The following MTREX variants were observed in gnomAD, a reference collection of about 807,000 sequenced individuals.
MTREX encodes the protein Mtr4 exosome RNA helicase.
MTREX carries 76 observed loss-of-function variants against 135.4 expected under a neutral mutation model. The ratio of observed to expected loss-of-function variants is 0.56; its 90% confidence interval spans 0.47 to 0.68. MTREX has a LOEUF of 0.68. Ranked by LOEUF, MTREX falls within the 30% of genes least tolerant of loss-of-function variation. The probability of loss-of-function intolerance (pLI) is 0.00; values close to 1 mark genes in which losing one functional copy is unlikely to be tolerated. For missense variants in MTREX, 920 were observed against 1,262.1 expected, an observed-to-expected ratio of 0.73 and a Z score of 4.11; for synonymous variants, 404 against 401.6, an observed-to-expected ratio of 1.01 and a Z score of -0.07.
chr5:55,372,932 GTGTGTGTGTGTT>G (rs1750228656), intron 16 of MTREX, among the ~76,000 whole-genome samples: 1 of 151,038 alleles, frequency 6.6e-6, no homozygotes, highest in Admixed American at 6.6e-5. Flanking sequence ...GTGTGTGTGT[GTGTGTGTGTGTT>G]TGTCTATGGT....
chr5:55,330,847 C>G (rs557292847), intron 5 of MTREX, among the ~76,000 whole-genome samples: 47 of 152,146 alleles, frequency 3.1e-4, no homozygotes, highest in African/African-American at 1.1e-3. Flanking sequence ...GTTCACAGCC[C>G]ACTGAAGCTG....
At chr5:55,398,589 G>T (rs889482017) in intron 20 of MTREX, among the ~76,000 whole-genome samples, 3 of 152,224 alleles carry the variant, frequency 2.0e-5, no homozygotes, top group Non-Finnish European at 4.4e-5. Flanking sequence ...GAATAGCACA[G>T]TTTTGAGCAG....
At chr5:55,387,862 T>G (rs1486325428) in intron 18 of MTREX, 112 bp from the exon 19 acceptor site, 2 of 984,200 alleles carry the variant, frequency 2.0e-6, no homozygotes, top group Non-Finnish European at 2.8e-6. Flanking sequence ...TTACACAGTT[T>G]GTGTCAGTCA....
At chr5:55,412,354 AG>A (rs1750895946) in intron 23 of MTREX, among the ~76,000 whole-genome samples, 1 of 152,250 alleles carries the variant, frequency 6.6e-6, no homozygotes, top group South Asian at 2.1e-4. Flanking sequence ...AATATTTAAA[AG>A]GTTATGTAAA....
chr5:55,337,788 A>AT (rs1310745536), intron 5 of MTREX, among the ~76,000 whole-genome samples: 10 of 140,836 alleles, frequency 7.1e-5, no homozygotes, highest in Non-Finnish European at 9.2e-5. Context: ...TATATTTCTC[A>AT]TGTTTTTTTT....
chr5:55,308,274 C>T, intron 1 of MTREX, 127 bp downstream of exon 1: 1 of 1,177,728 alleles, frequency 8.5e-7, no homozygotes, highest in Non-Finnish European at 1.1e-6. Flanking sequence ...TGAAGGGGTT[C>T]CAGAAAAAAG....
At chr5:55,409,747 G>C (rs1750858067) in intron 22 of MTREX, among the ~76,000 whole-genome samples, 1 of 152,218 alleles carries the variant, frequency 6.6e-6, no homozygotes, top group African/African-American at 2.4e-5. Flanking sequence ...CAGACGTAGT[G>C]ATGAGCTAGT....
At chr5:55,308,213 C>T (rs113304584) in intron 1 of MTREX, 66 bp downstream of exon 1, 3 of 1,506,226 alleles carry the variant, frequency 2.0e-6, no homozygotes, top group African/African-American at 1.4e-5. Context: ...AAACACTACT[C>T]TCTTAGGAAG....
At chr5:55,367,201 A>G (rs1381820607) in intron 16 of MTREX, among the ~76,000 whole-genome samples, 2 of 152,162 alleles carry the variant, frequency 1.3e-5, no homozygotes, top group East Asian at 3.9e-4. Flanking sequence ...TAAAAAGCAC[A>G]TGCGGCTGGG....
chr5:55,322,212 A>G (rs1425737619), intron 1 of MTREX, 115 bp from the exon 2 acceptor site: 8 of 818,020 alleles, frequency 9.8e-6, no homozygotes, highest in Non-Finnish European at 1.2e-5. Flanking sequence ...TGTTTGTAAC[A>G]TTCATCTATT....
chr5:55,372,320 C>A (rs1182786706), intron 16 of MTREX, among the ~76,000 whole-genome samples: 1 of 151,892 alleles, frequency 6.6e-6, no homozygotes, highest in Non-Finnish European at 1.5e-5. Context: ...TTAAAAATAA[C>A]CAGGATGATG....
intron 1 of MTREX, among the ~76,000 whole-genome samples, chr5:55,308,827 A>G (rs946225220): frequency 1.3e-5 from 2 of 152,232 alleles, no homozygotes; most frequent in African/African-American, 4.8e-5. Flanking sequence ...AAAAGCTATT[A>G]CTTGTATTAA....
At chr5:55,336,713 G>T (rs1327240189) in intron 5 of MTREX, among the ~76,000 whole-genome samples, 2 of 152,152 alleles carry the variant, frequency 1.3e-5, no homozygotes, top group Non-Finnish European at 2.9e-5. Flanking sequence ...TCTGCAGTAG[G>T]CCCTGTGGAA....
At chr5:55,365,088 G>T (rs1750080457) in intron 15 of MTREX, among the ~76,000 whole-genome samples, 1 of 152,126 alleles carries the variant, frequency 6.6e-6, no homozygotes, top group African/African-American at 2.4e-5. Flanking sequence ...AATTTACATG[G>T]GTGTTTGTAC....
intron 19 of MTREX, among the ~76,000 whole-genome samples, chr5:55,394,711 A>G (rs191797256): frequency 6.6e-6 from 1 of 152,264 alleles, no homozygotes; most frequent in East Asian, 1.9e-4. Flanking sequence ...GGACCCCTGA[A>G]TTAGCCAGTT....
chr5:55,342,112 G>A (rs891159404), intron 7 of MTREX, among the ~76,000 whole-genome samples: 5 of 152,070 alleles, frequency 3.3e-5, no homozygotes, highest in Admixed American at 1.3e-4. Context: ...GTCTCACAAC[G>A]TTGAGCAGGC....
At chr5:55,309,206 G>C (rs1364793536) in intron 1 of MTREX, among the ~76,000 whole-genome samples, 1 of 152,120 alleles carries the variant, frequency 6.6e-6, no homozygotes, top group Non-Finnish European at 1.5e-5. Flanking sequence ...TTCATTTAGG[G>C]ACTACAAGAG....
At chr5:55,406,024 G>A (rs1750799364) in intron 22 of MTREX, among the ~76,000 whole-genome samples, 1 of 151,948 alleles carries the variant, frequency 6.6e-6, no homozygotes, top group South Asian at 2.1e-4. Flanking sequence ...ACTTAGCCTA[G>A]TAACCATTAT....
chr5:55,328,652 A>G (rs1342175880), intron 4 of MTREX, 47 bp from the exon 5 acceptor site: 21 of 1,295,414 alleles, frequency 1.6e-5, no homozygotes, highest in Non-Finnish European at 2.4e-5. Flanking sequence ...GTATGCTCTG[A>G]TACAACTAGA....
Sources: gnomAD v4.1 joint callset for allele counts (sites outside exome capture counted in the v4.1 genomes callset) on GRCh38, gnomAD v4.1.1 for gene constraint, MANE v1.5 for transcripts, NCBI Gene and HGNC (gene_info 2026-07-23, HGNC 2026-07-21) for gene names.